Variants in TMEM132D observed in about 807,000 individuals in gnomAD.
TMEM132D encodes mature OL transmembrane protein.
TMEM132D carries 21 observed loss-of-function variants against 62.3 expected under a neutral mutation model. The ratio of observed to expected loss-of-function variants is 0.34; its 90% CI spans 0.24 to 0.49. The LOEUF is 0.49. TMEM132D is among the 20% of genes least tolerant of loss of function. The probability of loss-of-function intolerance (pLI) is 0.99; values close to 1 mark genes in which losing one functional copy is unlikely to be tolerated. For synonymous variants in TMEM132D, 621 were observed against 575.6 expected (o/e 1.08, Z -1.13); for missense variants, 1,346 against 1,402.8 (o/e 0.96, Z 0.65).
At chr12:129,596,743 A>G (rs1878347612) in intron 2 of TMEM132D, among the ~76,000 whole-genome samples, 2 of 151,600 alleles carry the variant, frequency 1.3e-5, no homozygotes, top group African/African-American at 4.8e-5. Context: ...ATTGAATTCC[A>G]TATGCCTCTG....
chr12:129,262,506 G>A (rs919262819), intron 4 of TMEM132D: 16 of 152,272 alleles, frequency 1.1e-4, no homozygotes, highest in African/African-American at 7.2e-5. Flanking sequence ...TGGAGAGCAC[G>A]TGCCATGTCT....
At chr12:129,797,605 T>C (rs1230628436) in intron 1 of TMEM132D, among the ~76,000 whole-genome samples, 1 of 152,170 alleles carries the variant, frequency 6.6e-6, no homozygotes, top group Non-Finnish European at 1.5e-5. Context: ...TGAGAGACCC[T>C]GTGTGTGTCG....
At chr12:129,421,255 G>C (rs1318951991) in intron 3 of TMEM132D, among the ~76,000 whole-genome samples, 1 of 152,142 alleles carries the variant, frequency 6.6e-6, no homozygotes, top group African/African-American at 2.4e-5. Flanking sequence ...GAGCCACCAT[G>C]CCTGGCCTAG....
chr12:129,265,709 C>T lies in TMEM132D; in HGVS notation c.1300-56046G>A, dbSNP rs61300813. ...TCCCACTTCAGGGCTTTTGCGGTTG[C>T]TACACTTTCTGCTTGTAGTGCTCTT... On this transcript the variant is annotated intron_variant, in intron 4 of 8. Coordinates refer to ENST00000422113, the MANE Select transcript of TMEM132D (RefSeq NM_133448.3). Among the ~76,000 whole-genome samples, 768 of 152,084 alleles carry T rather than the reference C, an allele frequency of 5.0e-3. 8 individuals are homozygous for T. The highest frequency in any genetic ancestry group is 0.018 in the African/African-American group (730 of 41,498).
In TMEM132D at chr12:129,515,110, G is replaced by A. The variant is rs112614815; in HGVS notation, c.1115+15949C>T. On this transcript the variant is annotated intron_variant, in intron 3 of 8. Transcript: ENST00000422113. ...CATATTTCCAATCAATATTTGCTCC[G>A]TAAGCACTGTGTGTACAGGACTAGC... 2.3e-4 allele frequency among the ~76,000 whole-genome samples: 35 copies of A among 152,218 alleles called. 1 individual carries two copies. The highest frequency in any genetic ancestry group is 6.3e-4 in the African/African-American group (26 of 41,532).
chr12:129,639,137 C>T (rs1307003098), intron 2 of TMEM132D, among the ~76,000 whole-genome samples: 1 of 152,034 alleles, frequency 6.6e-6, no homozygotes, highest in African/African-American at 2.4e-5. Context: ...AATCTCAGCA[C>T]ATTGGGAGGC....
intron 4 of TMEM132D, among the ~76,000 whole-genome samples, chr12:129,275,479 T>C (rs1013261937): frequency 9.2e-5 from 14 of 152,208 alleles, no homozygotes; most frequent in Non-Finnish European, 2.9e-5. Context: ...GACATATTTC[T>C]GTGCTTCTTG....
At chr12:129,767,568 G>A (rs968367058) in intron 1 of TMEM132D, among the ~76,000 whole-genome samples, 1 of 152,200 alleles carries the variant, frequency 6.6e-6, no homozygotes, top group African/African-American at 2.4e-5. Context: ...CTCTCCAGGA[G>A]TCTCAAATGG....
intron 3 of TMEM132D, among the ~76,000 whole-genome samples, chr12:129,517,184 C>T (rs1875707546): frequency 6.6e-6 from 1 of 152,042 alleles, no homozygotes; most frequent in Non-Finnish European, 1.5e-5. Flanking sequence ...ATTATTCAGC[C>T]CACCACAGAA....
chr12:129,251,336 C>T (rs977024205), intron 4 of TMEM132D, among the ~76,000 whole-genome samples: 1 of 121,614 alleles, frequency 8.2e-6, no homozygotes, highest in African/African-American at 3.2e-5. Context: ...TCCAGCCTGG[C>T]GACAGAGTGA....
chr12:129,433,051 T>A (rs1370932003), intron 3 of TMEM132D, among the ~76,000 whole-genome samples: 3 of 152,208 alleles, frequency 2.0e-5, no homozygotes, highest in African/African-American at 7.2e-5. Context: ...TTCGCTCCTT[T>A]GTACTCAACA....
In TMEM132D at chr12:129,216,569, C is replaced by G. The variant is rs530989579; in HGVS notation, c.1300-6906G>C. On this transcript the variant is annotated intron_variant, in intron 4 of 8. Transcript: ENST00000422113. Reference sequence around the variant, plus strand: ...GCTGGAAGAGGTAGGAAGGATGCTTCCCTAGAGCCTCCAGAGGGAGCATGG... The same window carrying G: ...GCTGGAAGAGGTAGGAAGGATGCTTGCCTAGAGCCTCCAGAGGGAGCATGG... Among the ~76,000 whole-genome samples the G allele has an allele frequency of 1.1e-4, 17 of 152,264 alleles. No individual in the cohort carries two copies. In the East Asian group the frequency reaches 3.3e-3, roughly 29 times the overall value.
chr12:129,617,363 G>A (rs749955376), intron 2 of TMEM132D, among the ~76,000 whole-genome samples: 5 of 152,204 alleles, frequency 3.3e-5, no homozygotes, highest in Admixed American at 6.5e-5. Context: ...CCCAGTTGTT[G>A]TCTCAGGCCT....
intron 3 of TMEM132D, among the ~76,000 whole-genome samples, chr12:129,349,768 C>T (rs1869808120): frequency 6.6e-6 from 1 of 152,184 alleles, no homozygotes; most frequent in African/African-American, 2.4e-5. Flanking sequence ...CAAGGCTTTT[C>T]CTATCCGGTC....
chr12:129,215,174 C>G (rs557218796), intron 4 of TMEM132D, among the ~76,000 whole-genome samples: 1 of 152,326 alleles, frequency 6.6e-6, no homozygotes, highest in South Asian at 2.1e-4. Context: ...ATGGTTGGAG[C>G]TGGAGGCCAT....
At chr12:129,362,982 G>A (rs1267553151) in intron 3 of TMEM132D, among the ~76,000 whole-genome samples, 1 of 152,150 alleles carries the variant, frequency 6.6e-6, no homozygotes, top group Non-Finnish European at 1.5e-5. Context: ...TAGTTCTCAA[G>A]AATTTTTAAT....
chr12:129,519,067 G>A (rs981597780), intron 3 of TMEM132D, among the ~76,000 whole-genome samples: 1 of 152,154 alleles, frequency 6.6e-6, no homozygotes, highest in South Asian at 2.1e-4. Flanking sequence ...ACATGTTAAA[G>A]ATACTTTTTC....
At chr12:129,122,140 G>A (rs1261750821) in intron 5 of TMEM132D, among the ~76,000 whole-genome samples, 1 of 152,188 alleles carries the variant, frequency 6.6e-6, no homozygotes, top group Non-Finnish European at 1.5e-5. Context: ...AAGTTTAGAT[G>A]GCTTTAGTTT....
At chr12:129,466,406 G>A (rs1873906290) in intron 3 of TMEM132D, among the ~76,000 whole-genome samples, 1 of 147,178 alleles carries the variant, frequency 6.8e-6, no homozygotes, top group African/African-American at 2.5e-5. Flanking sequence ...TGAACTCCTG[G>A]GCTAAAGCAA....
Sources: allele counts gnomAD v4.1 joint callset (sites outside exome capture counted in the v4.1 genomes callset), GRCh38; gene constraint gnomAD v4.1.1; transcripts MANE v1.5; gene names NCBI Gene and HGNC (gene_info 2026-07-23, HGNC 2026-07-21).